The following MYO5A variants were observed in gnomAD, a reference collection of about 807,000 sequenced individuals.
MYO5A encodes unconventional myosin-Va.
A neutral mutation model predicts 249.7 loss-of-function variants in MYO5A; 98 were observed. That is an observed-to-expected ratio of 0.39 (90% CI 0.33 to 0.46). The LOEUF (loss-of-function observed/expected upper bound fraction) is 0.46. MYO5A is among the 20% of genes least tolerant of loss of function. The pLI, the probability that MYO5A is intolerant of heterozygous loss-of-function variation, is 0.98. For missense variants in MYO5A, 1,696 were observed against 2,308.8 expected, an observed-to-expected ratio of 0.73 and a Z score of 5.44; for synonymous variants, 778 against 810.6, an observed-to-expected ratio of 0.96 and a Z score of 0.68.
At position 52,321,236 on chromosome 15, in the gene MYO5A, G is replaced by GT. The variant is rs1418054874; in HGVS notation, c.4951+122dup. 1.8e-5 allele frequency: 23 copies of GT among 1,300,914 alleles called. No individual in the cohort carries two copies. The African/African-American group carries it at 3.1e-4, about 17-fold the overall frequency. The allele number at this position is 1,300,914 out of a possible 1,614,324, so 80.6% of individuals were successfully genotyped here. On this transcript the variant is annotated intron_variant, in intron 38 of 41. Transcript: ENST00000399233. ...GGATTCCTCGGCTAATTTTAGCCCTGTATCTTACTACTTTATGCTCCCCAA... is the reference window on the plus strand; with the variant it reads ...GGATTCCTCGGCTAATTTTAGCCCTGTTATCTTACTACTTTATGCTCCCCAA...
chr15:52,518,084 A>G (rs149102584), intron 1 of MYO5A, among the ~76,000 whole-genome samples: 27 of 152,240 alleles, frequency 1.8e-4, no homozygotes, highest in African/African-American at 5.5e-4. Flanking sequence ...CATCTAGTTT[A>G]GCAGTTTCAA....
intron 1 of MYO5A, among the ~76,000 whole-genome samples, chr15:52,481,966 T>C (rs1344488764): frequency 6.6e-6 from 1 of 152,218 alleles, no homozygotes; most frequent in Non-Finnish European, 1.5e-5. Context: ...TTATTCTACA[T>C]CAGTAGAATT....
intron 1 of MYO5A, among the ~76,000 whole-genome samples, chr15:52,473,046 C>G (rs35227055): frequency 1.1e-3 from 162 of 152,330 alleles, no homozygotes; most frequent in Non-Finnish European, 1.9e-3. Context: ...ACATTCTCTC[C>G]GGCACCTGTT....
At chr15:52,451,421 G>A (rs1245725876) in intron 1 of MYO5A, among the ~76,000 whole-genome samples, 2 of 152,182 alleles carry the variant, frequency 1.3e-5, no homozygotes, top group Non-Finnish European at 2.9e-5. Flanking sequence ...CAGCCAGAGT[G>A]ATGTTTTTGA....
intron 29 of MYO5A, 79 bp downstream of exon 29, chr15:52,348,739 C>A: frequency 4.2e-6 from 5 of 1,195,954 alleles, no homozygotes; most frequent in South Asian, 1.5e-5. Context: ...GCATCAATTG[C>A]CTTTATTGGG....
At chr15:52,507,853 C>G (rs79854782) in intron 1 of MYO5A, among the ~76,000 whole-genome samples, 8,873 of 149,176 alleles carry the variant, frequency 0.059, 903 homozygotes, top group African/African-American at 0.21. Flanking sequence ...CTAGGGCTAC[C>G]ACTTTTTTAA....
Position 52,372,898 on chromosome 15 carries a change from G to A in MYO5A, c.2578-535C>T, listed in dbSNP as rs1414918322. On this transcript the variant is annotated intron_variant, in intron 20 of 41. Transcript: ENST00000399233. ...TGCATGAGGACACGGGGTATGGGCAGCAAACTGTCTGTAGAGGCCAACACT... is the reference window on the plus strand; with the variant it reads ...TGCATGAGGACACGGGGTATGGGCAACAAACTGTCTGTAGAGGCCAACACT... Among the ~76,000 whole-genome samples, 6 of 151,728 alleles carry A rather than the reference G, an allele frequency of 4.0e-5. No homozygotes were observed. In the East Asian group the frequency reaches 1.2e-3, roughly 29 times the overall value.
intron 1 of MYO5A, among the ~76,000 whole-genome samples, chr15:52,447,401 A>G (rs1009610992): frequency 1.3e-5 from 2 of 152,190 alleles, no homozygotes; most frequent in African/African-American, 4.8e-5. Flanking sequence ...TACATCCTGC[A>G]GAACCATGAG....
chr15:52,362,163 G>A (rs1235270746), intron 24 of MYO5A, among the ~76,000 whole-genome samples: 1 of 152,158 alleles, frequency 6.6e-6, no homozygotes, highest in African/African-American at 2.4e-5. Flanking sequence ...CTAGAGGCTG[G>A]CAATGAGTGA....
intron 32 of MYO5A, among the ~76,000 whole-genome samples, chr15:52,338,510 C>T (rs2039229522): frequency 6.6e-6 from 1 of 152,120 alleles, no homozygotes; most frequent in Non-Finnish European, 1.5e-5. Context: ...ATATCCTACT[C>T]AAGTGTTTCT....
intron 1 of MYO5A, among the ~76,000 whole-genome samples, chr15:52,451,789 C>T (rs898921607): frequency 1.3e-5 from 2 of 152,104 alleles, no homozygotes; most frequent in African/African-American, 2.4e-5. Flanking sequence ...TTTTAATATC[C>T]GTTACTTGGA....
chr15:52,408,373 C>T (rs1040324772), intron 6 of MYO5A, among the ~76,000 whole-genome samples: 4 of 152,004 alleles, frequency 2.6e-5, no homozygotes. Context: ...GATAGTAATG[C>T]TTTCTGAACT....
chr15:52,329,905 ATTTTTTTT>A (rs58058940), intron 35 of MYO5A, among the ~76,000 whole-genome samples: 6,116 of 119,632 alleles, frequency 0.051, 222 homozygotes, highest in East Asian at 0.21. Flanking sequence ...CGCCTGGGTA[ATTTTTTTT>A]TTTTTTTTTT....
intron 25 of MYO5A, among the ~76,000 whole-genome samples, chr15:52,355,345 A>G (rs2040165237): frequency 6.6e-6 from 1 of 152,224 alleles, no homozygotes; most frequent in Non-Finnish European, 1.5e-5. Flanking sequence ...AACAATAAAA[A>G]TGAAAATGAT....
At chr15:52,323,529 T>C (rs2038433327) in intron 36 of MYO5A, 85 bp from the exon 37 acceptor site, 1 of 882,632 alleles carries the variant, frequency 1.1e-6, no homozygotes, top group African/African-American at 1.7e-5. Flanking sequence ...AAAAGACCCA[T>C]TTCTTTCAGT....
At chr15:52,446,944 G>T (rs1374479837) in intron 1 of MYO5A, among the ~76,000 whole-genome samples, 3 of 152,114 alleles carry the variant, frequency 2.0e-5, no homozygotes, top group Non-Finnish European at 4.4e-5. Context: ...TGATTTTATG[G>T]GCTCAGAGGT....
chr15:52,427,187 A>G (rs754600575), intron 3 of MYO5A, among the ~76,000 whole-genome samples: 10 of 152,128 alleles, frequency 6.6e-5, no homozygotes, highest in Admixed American at 2.0e-4. Context: ...CTGTAGGTGT[A>G]TATTAACTTA....
At chr15:52,410,610 CAG>C (rs1595623056) in intron 5 of MYO5A, 134 bp from the exon 6 acceptor site, 6 of 705,864 alleles carry the variant, frequency 8.5e-6, no homozygotes, top group Admixed American at 5.4e-5. Context: ...TTTTTTGAGA[CAG>C]AGTCTTGCTC....
rs879852063 is a variant in MYO5A, at chr15:52,364,236, CA to C, written c.3309+317del. 3.2e-3 allele frequency among the ~76,000 whole-genome samples: 438 copies of C among 134,872 alleles called. 2 individuals carry two copies. Among genetic ancestry groups the C allele is most frequent in the Admixed American group, 6.3e-3 (85 of 13,478 alleles). The allele number at this position is 134,872 out of a possible 152,430, so 88.5% of individuals were successfully genotyped here. ...CTGGTGACACAGGGAGACTCCATCT[CA>C]AAAAAAAAAACAAAAACAAAAACAA... is the stretch of plus-strand genomic sequence containing the variant. On this transcript the variant is annotated intron_variant, in intron 24 of 41. Transcript: ENST00000399233.
Sources: gnomAD v4.1 joint callset for allele counts (sites outside exome capture counted in the v4.1 genomes callset) on GRCh38, gnomAD v4.1.1 for gene constraint, MANE v1.5 for transcripts, NCBI Gene and HGNC (gene_info 2026-07-23, HGNC 2026-07-21) for gene names.